The following RIMS2 variants were observed in gnomAD, a reference collection of about 807,000 sequenced individuals.
The protein encoded by RIMS2 is regulating synaptic membrane exocytosis 2, also known as regulating synaptic membrane exocytosis protein 2.
In RIMS2, 59 loss-of-function variants were observed where a neutral mutation model predicts 174.4. The observed-to-expected ratio is 0.34, with a 90% CI of 0.27 to 0.42. The LOEUF is 0.42. Among genes scored for constraint, RIMS2 ranks in the 10% least tolerant of loss-of-function variants. RIMS2 has a pLI of 1.00. For missense variants in RIMS2, 1,620 were observed against 1,666.3 expected (o/e 0.97, Z 0.48); for synonymous variants, 606 against 572.5 (o/e 1.06, Z -0.84).
At chr8:103,841,861 A>G (rs2098941582) in intron 3 of RIMS2, among the ~76,000 whole-genome samples, 2 of 152,144 alleles carry the variant, frequency 1.3e-5, no homozygotes, top group South Asian at 2.1e-4. Context: ...AGGCTGAGGC[A>G]GGAGAATTGC....
intron 1 of RIMS2, among the ~76,000 whole-genome samples, chr8:103,508,381 T>G (rs1227485752): frequency 2.6e-5 from 4 of 151,802 alleles, no homozygotes; most frequent in African/African-American, 9.7e-5. Context: ...GAGTAGATGT[T>G]AGCTGGGCAG....
chr8:103,676,751 G>A (rs1383130442), intron 1 of RIMS2, among the ~76,000 whole-genome samples: 1 of 152,178 alleles, frequency 6.6e-6, no homozygotes, highest in Non-Finnish European at 1.5e-5. Context: ...GGGAGGCCAA[G>A]GAGGGTGGAT....
At chr8:104,152,053 T>G (rs1222813363) in intron 19 of RIMS2, among the ~76,000 whole-genome samples, 1 of 152,214 alleles carries the variant, frequency 6.6e-6, no homozygotes, top group Non-Finnish European at 1.5e-5. Context: ...TATCTTTCTT[T>G]GATTGTATTT....
chr8:103,929,727 CTTTG>C (rs1467983249), intron 11 of RIMS2, among the ~76,000 whole-genome samples: 3 of 151,860 alleles, frequency 2.0e-5, no homozygotes, highest in African/African-American at 7.2e-5. Context: ...GCATTTCTTT[CTTTG>C]TTTTTCACTT....
chr8:104,003,946 G>C (rs768734370), intron 17 of RIMS2, among the ~76,000 whole-genome samples: 2 of 152,136 alleles, frequency 1.3e-5, no homozygotes, highest in Non-Finnish European at 2.9e-5. Flanking sequence ...ATTAAAATCA[G>C]CAATACTTGA....
At chr8:104,088,977 A>G (rs1352219987) in intron 19 of RIMS2, among the ~76,000 whole-genome samples, 1 of 151,944 alleles carries the variant, frequency 6.6e-6, no homozygotes, top group African/African-American at 2.4e-5. Flanking sequence ...GAACATCCTG[A>G]AGAATAATCA....
intron 2 of RIMS2, among the ~76,000 whole-genome samples, chr8:103,757,624 A>C (rs977397410): frequency 1.5e-4 from 23 of 152,312 alleles, no homozygotes; most frequent in African/African-American, 5.5e-4. Context: ...AAACCTATGA[A>C]TGTTATCTTA....
intron 4 of RIMS2, among the ~76,000 whole-genome samples, chr8:103,904,397 A>T (rs556949933): frequency 6.6e-6 from 1 of 152,054 alleles, no homozygotes; most frequent in African/African-American, 2.4e-5. Flanking sequence ...TTCTGTTTAT[A>T]TAAAGCATTC....
At chr8:103,631,384 G>C (rs2095916616) in intron 1 of RIMS2, among the ~76,000 whole-genome samples, 1 of 152,180 alleles carries the variant, frequency 6.6e-6, no homozygotes, top group African/African-American at 2.4e-5. Context: ...TTATTGCGTA[G>C]AGATTCTTTT....
Position 103,646,276 on chromosome 8 carries a change from A to G in RIMS2, c.177-50810A>G, listed in dbSNP as rs189214097. Among the ~76,000 whole-genome samples, 259 of 152,286 alleles carry G rather than the reference A, an allele frequency of 1.7e-3. 2 individuals carry two copies. The highest frequency in any genetic ancestry group is 8.3e-3 in the East Asian group (43 of 5,184). On this transcript the variant is annotated intron_variant, in intron 1 of 23. Transcript: ENST00000504942. ...CTCAGAGGCCTGAGAATTAATCCCA[A>G]GAATGACTCACTAAATGTGTGCCAC...
chr8:104,183,910 G>C (rs2098954300), intron 19 of RIMS2, among the ~76,000 whole-genome samples: 1 of 151,580 alleles, frequency 6.6e-6, no homozygotes, highest in South Asian at 2.1e-4. Flanking sequence ...AACTGTGAAA[G>C]CAACATATTT....
At chr8:103,965,887 C>T (rs775481519) in intron 15 of RIMS2, among the ~76,000 whole-genome samples, 2 of 151,898 alleles carry the variant, frequency 1.3e-5, no homozygotes, top group Admixed American at 6.6e-5. Context: ...GTCTTTTCTC[C>T]GTCTATTGAT....
chr8:103,689,162 C>T (rs1312084697), intron 1 of RIMS2, among the ~76,000 whole-genome samples: 1 of 151,890 alleles, frequency 6.6e-6, no homozygotes, highest in African/African-American at 2.4e-5. Context: ...GCATAGTTTC[C>T]AAAATTTCTC....
chr8:103,764,067 C>T (rs1429467096), intron 2 of RIMS2, among the ~76,000 whole-genome samples: 14 of 152,206 alleles, frequency 9.2e-5, no homozygotes, highest in Admixed American at 2.0e-4. Context: ...ACCTGGGAAT[C>T]GGCACTTCTG....
chr8:104,216,656 G>A (rs1028709942), intron 19 of RIMS2, among the ~76,000 whole-genome samples: 10 of 152,188 alleles, frequency 6.6e-5, no homozygotes, highest in African/African-American at 2.4e-4. Flanking sequence ...TCATAGGATT[G>A]TGTGTGTATT....
At chr8:104,054,098 A>G (rs1451525699) in intron 19 of RIMS2, among the ~76,000 whole-genome samples, 1 of 152,100 alleles carries the variant, frequency 6.6e-6, no homozygotes, top group African/African-American at 2.4e-5. Context: ...AAAAAAATAA[A>G]AACTCGGTCC....
chr8:104,179,895 C>T (rs1044669184), intron 19 of RIMS2, among the ~76,000 whole-genome samples: 5 of 151,802 alleles, frequency 3.3e-5, no homozygotes, highest in African/African-American at 9.7e-5. Flanking sequence ...CCAAAGATAA[C>T]CCCTGTTAAC....
intron 14 of RIMS2, 127 bp from the exon 17 acceptor site, chr8:103,960,938 C>T: frequency 1.5e-6 from 1 of 675,590 alleles, no homozygotes; most frequent in East Asian, 2.6e-5. Flanking sequence ...AAGGACTTTT[C>T]TTCTGTACAT....
At chr8:103,846,538 G>T (rs1027304364) in intron 3 of RIMS2, among the ~76,000 whole-genome samples, 1 of 152,070 alleles carries the variant, frequency 6.6e-6, no homozygotes, top group Non-Finnish European at 1.5e-5. Flanking sequence ...ATCATTTGAG[G>T]TTCTTTCTTT....
Sources: allele counts gnomAD v4.1 joint callset (sites outside exome capture counted in the v4.1 genomes callset), GRCh38; gene constraint gnomAD v4.1.1; transcripts MANE v1.5; gene names NCBI Gene and HGNC (gene_info 2026-07-23, HGNC 2026-07-21).